Variants in ACTR3 observed in about 807,000 individuals in gnomAD.
ACTR3 encodes actin related protein 3.
Under a neutral mutation model 56.8 loss-of-function variants are expected in ACTR3, and 12 were observed. That is an observed-to-expected ratio of 0.21 (90% CI 0.14 to 0.34). ACTR3 has a LOEUF of 0.34. Among genes scored for constraint, ACTR3 ranks in the 10% least tolerant of loss-of-function variants. The pLI is 1.00. For missense variants in ACTR3, 282 were observed against 512.5 expected (o/e 0.55, Z 4.34); for synonymous variants, 162 against 167.4 (o/e 0.97, Z 0.25).
intron 1 of ACTR3, among the ~76,000 whole-genome samples, chr2:113,898,832 G>GTTT (rs1430445643): frequency 6.6e-6 from 1 of 152,126 alleles, no homozygotes; most frequent in Admixed American, 6.5e-5. Flanking sequence ...TGCACGTTTT[G>GTTT]TTTTGGATGT....
intron 1 of ACTR3, 38 bp downstream of exon 1, chr2:113,890,361 C>T (rs1173459369): frequency 1.2e-6 from 1 of 855,806 alleles, no homozygotes; most frequent in South Asian, 2.9e-5. Flanking sequence ...GAAACTGAGG[C>T]GGAGGAAGGA....
Position 113,957,665 on chromosome 2 carries a change from T to C in ACTR3, c.*210T>C, listed in dbSNP as rs1680241527. On this transcript the variant is annotated 3_prime_UTR_variant, in exon 12 of 12. Transcript: ENST00000263238. ...ATTGTGTTTTTCTTTAGATTGAATA[T>C]TTGAATCTTATGTGTAACAAAAAGA... 1 of 465,908 alleles carries C rather than the reference T, an allele frequency of 2.1e-6. No homozygotes were observed. The highest frequency in any genetic ancestry group is 1.9e-5 in the African/African-American group (1 of 51,734). The allele number at this position is 465,908 out of a possible 1,614,324, so 28.9% of individuals were successfully genotyped here.
chr2:113,930,689 T>TAG (rs1679703385), intron 4 of ACTR3, among the ~76,000 whole-genome samples: 1 of 152,212 alleles, frequency 6.6e-6, no homozygotes, highest in Non-Finnish European at 1.5e-5. Flanking sequence ...CTTTAGAGTG[T>TAG]GTTCTGTCCC....
At position 113,890,343 on chromosome 2, in the gene ACTR3, G is replaced by A; in HGVS notation, c.44+20G>A. ...CACGGGGTAAGGGGGCTTACGGGCG[G>A]GGGTGGGGAAACTGAGGCGGAGGAA... On this transcript the variant is annotated intron_variant, in intron 1 of 11. Coordinates refer to ENST00000263238, the MANE Select transcript of ACTR3 (RefSeq NM_005721.5). 1.3e-6 allele frequency: 2 copies of A among 1,500,530 alleles called. No homozygotes were observed. Among genetic ancestry groups the A allele is most frequent in the Non-Finnish European group, 9.0e-7 (1 of 1,110,706 alleles). The allele number at this position is 1,500,530 out of a possible 1,614,324, so 93.0% of individuals were successfully genotyped here.
At chr2:113,912,020 A>C (rs1268509610) in intron 1 of ACTR3, among the ~76,000 whole-genome samples, 2 of 152,072 alleles carry the variant, frequency 1.3e-5, no homozygotes, top group African/African-American at 4.8e-5. Flanking sequence ...GATTATAGGC[A>C]TGAGCCACTG....
At chr2:113,906,654 G>A (rs1045997097) in intron 1 of ACTR3, among the ~76,000 whole-genome samples, 3 of 152,008 alleles carry the variant, frequency 2.0e-5, no homozygotes, top group African/African-American at 7.3e-5. Context: ...TATGGTGTAA[G>A]GTAAAGGTAC....
At chr2:113,918,311 AC>A (rs1679444633) in intron 3 of ACTR3, among the ~76,000 whole-genome samples, 1 of 151,600 alleles carries the variant, frequency 6.6e-6, no homozygotes, top group South Asian at 2.1e-4. Flanking sequence ...CAGTGACTTA[AC>A]CTTTCTGAAT....
chr2:113,892,552 C>A (rs1678926004), intron 1 of ACTR3, among the ~76,000 whole-genome samples: 1 of 152,148 alleles, frequency 6.6e-6, no homozygotes, highest in Non-Finnish European at 1.5e-5. Context: ...ACACCTTCAG[C>A]TTTATTTGCA....
intron 5 of ACTR3, 121 bp from the exon 6 acceptor site, chr2:113,934,158 A>T (rs557128257): frequency 7.4e-5 from 49 of 662,692 alleles, no homozygotes; most frequent in Non-Finnish European, 1.1e-4. Flanking sequence ...CTTTCCACAG[A>T]TACTACATTT....
At chr2:113,900,830 G>C (rs1192348558) in intron 1 of ACTR3, among the ~76,000 whole-genome samples, 1 of 152,354 alleles carries the variant, frequency 6.6e-6, no homozygotes, top group African/African-American at 2.4e-5. Flanking sequence ...TTGACACACA[G>C]AGTAGGCGTC....
At chr2:113,915,774 C>A (rs918130613) in intron 2 of ACTR3, among the ~76,000 whole-genome samples, 2 of 152,134 alleles carry the variant, frequency 1.3e-5, no homozygotes, top group Non-Finnish European at 2.9e-5. Flanking sequence ...AAGTCTTTGC[C>A]ATGACTAGTT....
intron 8 of ACTR3, among the ~76,000 whole-genome samples, chr2:113,947,598 G>A (rs547252250): frequency 1.3e-4 from 20 of 152,322 alleles, no homozygotes; most frequent in East Asian, 1.9e-4. Context: ...AGGCTGCAAC[G>A]AGCTGGCATT....
intron 1 of ACTR3, among the ~76,000 whole-genome samples, chr2:113,902,243 C>G (rs778385406): frequency 1.3e-5 from 2 of 152,154 alleles, no homozygotes; most frequent in Non-Finnish European, 2.9e-5. Context: ...GTCCAGCCTC[C>G]TCTCTCACCT....
At chr2:113,937,363 C>G (rs1336634966) in intron 6 of ACTR3, among the ~76,000 whole-genome samples, 1 of 152,196 alleles carries the variant, frequency 6.6e-6, no homozygotes, top group Non-Finnish European at 1.5e-5. Context: ...GCCTTGGCCT[C>G]CCAAAGTCCT....
intron 6 of ACTR3, among the ~76,000 whole-genome samples, chr2:113,939,313 C>T (rs998098993): frequency 3.3e-5 from 5 of 152,166 alleles, no homozygotes; most frequent in Non-Finnish European, 5.9e-5. Context: ...TGAGCCACCG[C>T]GCCCGGCCGA....
intron 8 of ACTR3, among the ~76,000 whole-genome samples, chr2:113,949,989 G>A (rs188926503): frequency 1.2e-4 from 18 of 152,292 alleles, no homozygotes; most frequent in Admixed American, 9.2e-4. Context: ...TATAGCTGAT[G>A]TTTGTTATTC....
At chr2:113,940,490 A>G (rs1024126368) in intron 7 of ACTR3, among the ~76,000 whole-genome samples, 3 of 152,100 alleles carry the variant, frequency 2.0e-5, no homozygotes, top group African/African-American at 4.8e-5. Flanking sequence ...TTTTGATACA[A>G]TTGATTCATT....
rs375710245 is a variant in ACTR3 at position 113,913,240 on chromosome 2, T to C, written c.100+13T>C. 9 of 1,569,878 alleles carry C rather than the reference T, an allele frequency of 5.7e-6. No individual in the cohort carries two copies. The highest frequency in any genetic ancestry group is 2.7e-5 in the African/African-American group (2 of 73,042). ...ATCATCCCTTCCTGTAAGTATTTCT[T>C]TTAAGCCACAAATGAGCTGATTTAA... On this transcript the variant is annotated intron_variant, in intron 2 of 11. Coordinates refer to ENST00000263238, the MANE Select transcript of ACTR3 (RefSeq NM_005721.5).
chr2:113,922,410 T>C lies in ACTR3; in HGVS notation c.226-4935T>C, dbSNP rs58143914. ...AGTAAATGAGAAAAAAGGCTAAGTATGGAATCCATTTTACAGATTTGAATT... is the reference window on the plus strand; with the variant it reads ...AGTAAATGAGAAAAAAGGCTAAGTACGGAATCCATTTTACAGATTTGAATT... On this transcript the variant is annotated intron_variant, in intron 3 of 11. Transcript: ENST00000263238. Among the ~76,000 whole-genome samples the C allele has an allele frequency of 7.7e-3, 1,170 of 152,352 alleles. 13 individuals carry two copies. The highest frequency in any genetic ancestry group is 0.026 in the African/African-American group (1,065 of 41,586).
Sources: allele counts gnomAD v4.1 joint callset (sites outside exome capture counted in the v4.1 genomes callset), GRCh38; gene constraint gnomAD v4.1.1; transcripts MANE v1.5; gene names NCBI Gene and HGNC (gene_info 2026-07-23, HGNC 2026-07-21).